INPP4B: variants seen among roughly 807,000 people sequenced by gnomAD.
INPP4B encodes the protein inositol polyphosphate 4-phosphatase type II.
INPP4B carries 55 observed loss-of-function variants against 122.5 expected under a neutral mutation model. The observed-to-expected ratio is 0.45, with a 90% CI of 0.36 to 0.56. INPP4B has a LOEUF of 0.56. INPP4B is among the 20% of genes least tolerant of loss of function. The pLI, the probability that INPP4B is intolerant of heterozygous loss-of-function variation, is 0.00. For synonymous variants in INPP4B, 403 were observed against 388.7 expected (o/e 1.04, Z -0.43); for missense variants, 1,000 against 1,097.7 (o/e 0.91, Z 1.26).
At chr4:142,617,249 G>T (rs762209354) in intron 2 of INPP4B, among the ~76,000 whole-genome samples, 1 of 151,866 alleles carries the variant, frequency 6.6e-6, no homozygotes, top group Middle Eastern at 3.2e-3. Context: ...GCCTACAGCC[G>T]CACTATTTCT....
intron 1 of INPP4B, among the ~76,000 whole-genome samples, chr4:142,802,426 G>C (rs899250818): frequency 5.3e-5 from 8 of 152,134 alleles, no homozygotes; most frequent in Admixed American, 6.6e-5. Flanking sequence ...GCTATATTGT[G>C]AGAATGAGAG....
At chr4:142,682,899 G>A (rs1333429432) in intron 2 of INPP4B, among the ~76,000 whole-genome samples, 1 of 151,938 alleles carries the variant, frequency 6.6e-6, no homozygotes, top group Non-Finnish European at 1.5e-5. Context: ...AACAGTAAAG[G>A]AGAGTATATT....
chr4:142,142,131 T>C (rs1036801826), intron 18 of INPP4B, among the ~76,000 whole-genome samples: 10 of 152,104 alleles, frequency 6.6e-5, no homozygotes, highest in Admixed American at 2.0e-4. Flanking sequence ...TGTCTCAAAT[T>C]GCTTGCCTAA....
At chr4:142,515,231 A>G (rs1163499424) in intron 2 of INPP4B, among the ~76,000 whole-genome samples, 1 of 152,162 alleles carries the variant, frequency 6.6e-6, no homozygotes, top group Non-Finnish European at 1.5e-5. Flanking sequence ...TGGTCATCTA[A>G]GAAGGGCTAT....
In INPP4B at chr4:142,497,696, A is replaced by G. The variant is rs1366758468; in HGVS notation, c.-190-34970T>C. Among the ~76,000 whole-genome samples, 3 of 152,296 alleles carry G rather than the reference A, an allele frequency of 2.0e-5. No homozygotes were observed. The East Asian group carries it at 5.8e-4, about 29-fold the overall frequency. On this transcript the variant is annotated intron_variant, in intron 2 of 25. Coordinates refer to ENST00000262992, the MANE Select transcript of INPP4B (RefSeq NM_001101669.3). ...TAATTTCATTGACTTTTTCAAAATT[A>G]TCCTAAAACAACAATATTTCCCAGT...
chr4:142,123,177 G>T, intron 20 of INPP4B, 115 bp downstream of exon 20: 3 of 821,882 alleles, frequency 3.7e-6, no homozygotes, highest in Non-Finnish European at 5.3e-6. Flanking sequence ...TATTATTTTT[G>T]TAATACTTGG....
chr4:142,472,211 GA>G (rs1315420769), intron 2 of INPP4B, among the ~76,000 whole-genome samples: 5 of 146,834 alleles, frequency 3.4e-5, no homozygotes, highest in South Asian at 2.1e-4. Context: ...CATTTATGAA[GA>G]AAAAAAGAAA....
chr4:142,579,123 T>C (rs1047698552), intron 2 of INPP4B, among the ~76,000 whole-genome samples: 6 of 152,038 alleles, frequency 3.9e-5, no homozygotes, highest in African/African-American at 1.4e-4. Context: ...GTCTACATGT[T>C]CTCTACTTTC....
chr4:142,383,883 G>A (rs931235037), intron 7 of INPP4B: 2 of 548,518 alleles, frequency 3.6e-6, no homozygotes, highest in African/African-American at 3.8e-5. Context: ...CGGGAACACA[G>A]GTGTGAGCTT....
chr4:142,238,059 G>A (rs368571634), intron 11 of INPP4B, 48 bp from the exon 12 acceptor site: 1 of 918,284 alleles, frequency 1.1e-6, no homozygotes, highest in Non-Finnish European at 1.7e-6. Flanking sequence ...GCAAATGCAT[G>A]TCAGGTGAAG....
At chr4:142,178,107 C>G (rs1579184212) in intron 15 of INPP4B, among the ~76,000 whole-genome samples, 1 of 152,126 alleles carries the variant, frequency 6.6e-6, no homozygotes, top group African/African-American at 2.4e-5. Flanking sequence ...CCAAACTGAT[C>G]CCGAGATCTG....
intron 12 of INPP4B, 62 bp downstream of exon 12, chr4:142,237,802 A>G: frequency 1.0e-6 from 1 of 973,184 alleles, no homozygotes; most frequent in Non-Finnish European, 1.5e-6. Flanking sequence ...TAATTTGTCA[A>G]TTAAAAATTT....
chr4:142,811,184 T>C (rs1779475830), intron 1 of INPP4B, among the ~76,000 whole-genome samples: 1 of 152,218 alleles, frequency 6.6e-6, no homozygotes, highest in African/African-American at 2.4e-5. Context: ...TACCTCCACC[T>C]GTGCATATAT....
chr4:142,452,364 C>T (rs1403609865), intron 3 of INPP4B, among the ~76,000 whole-genome samples: 4 of 152,192 alleles, frequency 2.6e-5, no homozygotes, highest in African/African-American at 9.6e-5. Context: ...TGCAGTGAGT[C>T]AGCCATCTGA....
intron 7 of INPP4B, among the ~76,000 whole-genome samples, chr4:142,315,161 G>T (rs1767028547): frequency 6.6e-6 from 1 of 152,134 alleles, no homozygotes; most frequent in Non-Finnish European, 1.5e-5. Flanking sequence ...TTATGGATAT[G>T]CTAATTACCA....
chr4:142,448,815 A>C (rs1460561493), intron 3 of INPP4B, among the ~76,000 whole-genome samples: 1 of 152,186 alleles, frequency 6.6e-6, no homozygotes, highest in Non-Finnish European at 1.5e-5. Flanking sequence ...TAAATAAATA[A>C]ATAAATAAAG....
intron 2 of INPP4B, among the ~76,000 whole-genome samples, chr4:142,596,576 G>T (rs1189027029): frequency 6.6e-6 from 1 of 152,192 alleles, no homozygotes; most frequent in Non-Finnish European, 1.5e-5. Context: ...GTATGTTTTG[G>T]TCAATTTGTT....
At chr4:142,631,057 T>TA (rs1747836041) in intron 2 of INPP4B, among the ~76,000 whole-genome samples, 1 of 152,080 alleles carries the variant, frequency 6.6e-6, no homozygotes, top group African/African-American at 2.4e-5. Context: ...AATACTATTT[T>TA]ACCATATAAT....
At chr4:142,720,537 T>C (rs1764391649) in intron 2 of INPP4B, among the ~76,000 whole-genome samples, 2 of 151,776 alleles carry the variant, frequency 1.3e-5, no homozygotes, top group Non-Finnish European at 2.9e-5. Context: ...AGACACTTTA[T>C]ATCATCTCTA....
Sources: allele counts gnomAD v4.1 joint callset (sites outside exome capture counted in the v4.1 genomes callset), GRCh38; gene constraint gnomAD v4.1.1; transcripts MANE v1.5; gene names NCBI Gene and HGNC (gene_info 2026-07-23, HGNC 2026-07-21).